Variants in RASSF5 observed in about 807,000 individuals in gnomAD.
RASSF5 encodes the protein Ras association domain family member 5.
Under a neutral mutation model 40.5 loss-of-function variants are expected in RASSF5, and 25 were observed. The ratio of observed to expected loss-of-function variants is 0.62; its 90% CI spans 0.45 to 0.86. The LOEUF (loss-of-function observed/expected upper bound fraction) is 0.86, where lower values mean the gene tolerates loss of function less well. Among genes scored for constraint, RASSF5 ranks in the 40% least tolerant of loss-of-function variants. The pLI, the probability that RASSF5 is intolerant of heterozygous loss-of-function variation, is 0.00. For synonymous variants in RASSF5, 246 were observed against 252.4 expected (o/e 0.97, Z 0.24); for missense variants, 521 against 572.8 (o/e 0.91, Z 0.92).
Position 206,555,428 on chromosome 1 carries a change from G to A in RASSF5, c.579+17135G>A, listed in dbSNP as rs142511469. Among the ~76,000 whole-genome samples, 533 of 151,982 alleles carry A rather than the reference G, an allele frequency of 3.5e-3. 1 individual carries two copies. Among genetic ancestry groups the A allele is most frequent in the African/African-American group, 0.012 (510 of 41,438 alleles). On this transcript the variant is annotated intron_variant, in intron 2 of 5. Coordinates refer to ENST00000579436, the MANE Select transcript of RASSF5 (RefSeq NM_182663.4). Reference sequence around the variant, plus strand: ...AAGGAGGTTCTTTTTATGAAGAAAAGCATGTTTCTTAGCTGGCTGGACAAA... The same window carrying A: ...AAGGAGGTTCTTTTTATGAAGAAAAACATGTTTCTTAGCTGGCTGGACAAA...
intron 2 of RASSF5, among the ~76,000 whole-genome samples, chr1:206,578,943 G>A (rs782573717): frequency 2.6e-5 from 4 of 152,180 alleles, no homozygotes; most frequent in Non-Finnish European, 1.5e-5. Context: ...GGGCAAATCT[G>A]CCCTGAGTTA....
At chr1:206,550,370 G>A (rs1221998165) in intron 2 of RASSF5, among the ~76,000 whole-genome samples, 2 of 152,196 alleles carry the variant, frequency 1.3e-5, no homozygotes, top group Non-Finnish European at 2.9e-5. Context: ...TACGCATTGG[G>A]TAAATGCCTT....
intron 1 of RASSF5, among the ~76,000 whole-genome samples, chr1:206,528,162 G>T (rs1448488914): frequency 6.6e-6 from 1 of 151,728 alleles, no homozygotes; most frequent in East Asian, 1.9e-4. Flanking sequence ...CCAATAAGAA[G>T]AAATGAGTTG....
chr1:206,525,938 C>T (rs1381977363), intron 1 of RASSF5, among the ~76,000 whole-genome samples: 3 of 152,164 alleles, frequency 2.0e-5, no homozygotes, highest in Admixed American at 6.5e-5. Context: ...CTTTGGCTCT[C>T]TTTCCTGTGC....
intron 2 of RASSF5, among the ~76,000 whole-genome samples, chr1:206,568,742 A>T (rs189618384): frequency 4.9e-4 from 74 of 152,278 alleles, no homozygotes; most frequent in African/African-American, 1.7e-3. Context: ...AGGCCTGGAG[A>T]TTCTGCTGAG....
intron 2 of RASSF5, chr1:206,571,500 A>G (rs1553404195): frequency 6.6e-6 from 1 of 152,200 alleles, no homozygotes; most frequent in Admixed American, 6.5e-5. Flanking sequence ...TGGTCTGGGA[A>G]TACAAAGATG....
At chr1:206,573,650 G>A (rs1474570582) in intron 2 of RASSF5, among the ~76,000 whole-genome samples, 1 of 152,234 alleles carries the variant, frequency 6.6e-6, no homozygotes, top group Non-Finnish European at 1.5e-5. Flanking sequence ...AGCAGTGGAT[G>A]TAAGTCATTA....
chr1:206,580,145 G>T lies in RASSF5; in HGVS notation c.580-3124G>T, dbSNP rs76883887. Among the ~76,000 whole-genome samples the T allele has an allele frequency of 8.9e-3, 1,360 of 152,328 alleles. 18 individuals are homozygous for T. Among genetic ancestry groups the T allele is most frequent in the African/African-American group, 0.031 (1,293 of 41,556 alleles). On this transcript the variant is annotated intron_variant, in intron 2 of 5. Coordinates refer to ENST00000579436, the MANE Select transcript of RASSF5 (RefSeq NM_182663.4). ...GCGTCACTTCCCCGCGTTTGTGGTG[G>T]GAAGGGGAGAGATAGATGGGTCTAT...
intron 1 of RASSF5, among the ~76,000 whole-genome samples, chr1:206,524,728 G>A (rs1667054476): frequency 7.4e-6 from 1 of 135,792 alleles, no homozygotes; most frequent in African/African-American, 2.7e-5. Context: ...ATAGGGGATG[G>A]GGCAGAAGAG....
At chr1:206,572,815 T>C (rs181196915) in intron 2 of RASSF5, 1 of 152,128 alleles carries the variant, frequency 6.6e-6, no homozygotes, top group Non-Finnish European at 1.5e-5. Context: ...TTTCAGTGGG[T>C]TTTTTTTAAT....
intron 2 of RASSF5, among the ~76,000 whole-genome samples, chr1:206,538,818 T>A (rs1036422932): frequency 2.6e-5 from 4 of 152,188 alleles, no homozygotes; most frequent in Non-Finnish European, 4.4e-5. Context: ...TTTCTAGGAT[T>A]TAGAATGGAG....
intron 2 of RASSF5, among the ~76,000 whole-genome samples, chr1:206,550,235 AT>A (rs1473819595): frequency 6.1e-4 from 93 of 152,068 alleles, no homozygotes; most frequent in Non-Finnish European, 7.9e-4. Context: ...AGTTGTATCC[AT>A]TTTTTTGGTT....
chr1:206,569,835 T>A (rs879983761), intron 2 of RASSF5, among the ~76,000 whole-genome samples: 13 of 152,026 alleles, frequency 8.6e-5, no homozygotes, highest in Admixed American at 8.5e-4. Flanking sequence ...TCATTTTTTG[T>A]GTTCATTTTG....
chr1:206,517,752 C>T (rs1553395599), intron 1 of RASSF5, among the ~76,000 whole-genome samples: 2 of 152,150 alleles, frequency 1.3e-5, no homozygotes, highest in Non-Finnish European at 2.9e-5. Context: ...ATATTTCTGC[C>T]CTTTTGTGAC....
At chr1:206,550,442 T>A (rs991417297) in intron 2 of RASSF5, among the ~76,000 whole-genome samples, 1 of 152,230 alleles carries the variant, frequency 6.6e-6, no homozygotes, top group African/African-American at 2.4e-5. Flanking sequence ...GCCTTGCACA[T>A]AGTAGGTGCT....
chr1:206,546,363 A>G (rs1240126387), intron 2 of RASSF5, among the ~76,000 whole-genome samples: 1 of 151,872 alleles, frequency 6.6e-6, no homozygotes, highest in Non-Finnish European at 1.5e-5. Flanking sequence ...CTCCCACCTC[A>G]GCCTCCCAAA....
At chr1:206,574,210 T>C (rs2103556412) in intron 2 of RASSF5, among the ~76,000 whole-genome samples, 1 of 152,344 alleles carries the variant, frequency 6.6e-6, no homozygotes, top group South Asian at 2.1e-4. Context: ...CTCTGGGGCA[T>C]GCTGGCAACC....
chr1:206,561,449 G>A (rs902767030), intron 2 of RASSF5, among the ~76,000 whole-genome samples: 2 of 152,056 alleles, frequency 1.3e-5, no homozygotes, highest in East Asian at 3.9e-4. Context: ...TAGCTAAGGG[G>A]ACATTGACCC....
intron 1 of RASSF5, among the ~76,000 whole-genome samples, chr1:206,532,612 G>A (rs1487541433): frequency 6.6e-6 from 1 of 152,202 alleles, no homozygotes; most frequent in Non-Finnish European, 1.5e-5. Flanking sequence ...ATACGTTCCC[G>A]GATTCAGAAG....
Sources: gnomAD v4.1 joint callset for allele counts (sites outside exome capture counted in the v4.1 genomes callset) on GRCh38, gnomAD v4.1.1 for gene constraint, MANE v1.5 for transcripts, NCBI Gene and HGNC (gene_info 2026-07-23, HGNC 2026-07-21) for gene names.